Variants in SMARCC2 observed in about 807,000 individuals in gnomAD.
The protein encoded by SMARCC2 is SWI/SNF complex subunit SMARCC2.
Under a neutral mutation model 151.3 loss-of-function variants are expected in SMARCC2, and 15 were observed. The ratio of observed to expected loss-of-function variants is 0.10; its 90% confidence interval spans 0.07 to 0.15. The LOEUF is 0.15. Among genes scored for constraint, SMARCC2 ranks in the 10% least tolerant of loss-of-function variants. The probability of loss-of-function intolerance (pLI) is 1.00; values close to 1 mark genes in which losing one functional copy is unlikely to be tolerated. For missense variants in SMARCC2, 1,031 were observed against 1,599.7 expected (o/e 0.64, Z 6.06); for synonymous variants, 590 against 609.5 (o/e 0.97, Z 0.47).
At position 56,184,262 on chromosome 12, in the gene SMARCC2, A is replaced by T; in HGVS notation, c.493-18T>A. ...ACTGTTCCCTGGATGGTAAAAGGAG[A>T]AGCGGGTAAATTATGGTCCCCTCTG... is the stretch of plus-strand genomic sequence containing the variant. On this transcript the variant is annotated intron_variant, in intron 5 of 28. Coordinates refer to ENST00000550164, the MANE Select transcript of SMARCC2 (RefSeq NM_001330288.2). 6.3e-7 allele frequency: 1 copy of T among 1,596,938 alleles called. No individual in the cohort carries two copies. The highest frequency in any genetic ancestry group is 8.6e-7 in the Non-Finnish European group (1 of 1,166,122).
At chr12:56,178,718 A>T (rs557325868) in intron 13 of SMARCC2, 92 bp downstream of exon 13, 1 of 1,485,012 alleles carries the variant, frequency 6.7e-7, no homozygotes, top group South Asian at 1.1e-5. Flanking sequence ...CAGTGGGTAA[A>T]GTCTGGGCAG....
chr12:56,171,580 G>T lies in SMARCC2; in HGVS notation c.2185+99C>A. 6.7e-7 allele frequency: 1 copy of T among 1,486,716 alleles called. No individual in the cohort carries two copies. Among genetic ancestry groups the T allele is most frequent in the Non-Finnish European group, 9.1e-7 (1 of 1,102,218 alleles). The allele number at this position is 1,486,716 out of a possible 1,614,324, so 92.1% of individuals were successfully genotyped here. A position where few individuals can be genotyped will look rare whatever the true frequency, so the allele number is the denominator to read the frequency against. On this transcript the variant is annotated intron_variant, in intron 21 of 28. Coordinates refer to ENST00000550164, the MANE Select transcript of SMARCC2 (RefSeq NM_001330288.2). The surrounding 1 kb of genome is among the most constrained non-coding windows in gnomAD (Gnocchi z 4.2). ...CTGAGCTGAGGCCCGCACAGACAAG[G>T]CCAGCAGGGCAGCCAAACTTGAGAG... is the stretch of plus-strand genomic sequence containing the variant.
At chr12:56,173,115 G>T in intron 17 of SMARCC2, 86 bp from the exon 18 acceptor site, 4 of 1,202,712 alleles carry the variant, frequency 3.3e-6, no homozygotes, top group Middle Eastern at 3.9e-4. Context: ...TATGCTGGGC[G>T]GCCCACAAGC....
intron 16 of SMARCC2, 82 bp from the exon 17 acceptor site, chr12:56,173,931 G>T: frequency 7.6e-7 from 1 of 1,317,422 alleles, no homozygotes; most frequent in Non-Finnish European, 1.1e-6. Context: ...GGGTAGAAGG[G>T]GCATAAACCC....
At chr12:56,177,272 T>C (rs1347353622) in intron 15 of SMARCC2, among the ~76,000 whole-genome samples, 2 of 152,058 alleles carry the variant, frequency 1.3e-5, no homozygotes, top group Admixed American at 1.3e-4. Flanking sequence ...AGATACGGGG[T>C]CTTGCCGTGT....
chr12:56,186,292 C>G, intron 2 of SMARCC2, 52 bp from the exon 3 acceptor site: 1 of 1,060,844 alleles, frequency 9.4e-7, no homozygotes, highest in South Asian at 1.3e-5. Flanking sequence ...TGTAAATTCT[C>G]TCATCACTTA....
Position 56,162,570 on chromosome 12 carries a change from G to A in SMARCC2, c.*1119C>T, listed in dbSNP as rs758207608. 2.1e-6 allele frequency: 1 copy of A among 468,504 alleles called. No homozygotes were observed. Among genetic ancestry groups the A allele is most frequent in the Non-Finnish European group, 3.8e-6 (1 of 265,932 alleles). The allele number at this position is 468,504 out of a possible 1,614,324, so 29.0% of individuals were successfully genotyped here. On this transcript the variant is annotated 3_prime_UTR_variant, in exon 29 of 29. Coordinates refer to ENST00000550164, the MANE Select transcript of SMARCC2 (RefSeq NM_001330288.2). ...CCTGCCTTCCCGTCACAGGGGAGAA[G>A]CTGGGACACGTGGAGCAGGAATGCG...
Position 56,164,508 on chromosome 12 carries a change from G to C in SMARCC2, c.3456C>G (p.His1152Gln). 1 of 1,614,234 alleles carries C rather than the reference G, an allele frequency of 6.2e-7. No homozygotes were observed. Among genetic ancestry groups the C allele is most frequent in the South Asian group, 1.1e-5 (1 of 91,086 alleles). The stretch of plus-strand genomic sequence containing the variant: ...GAGTGCCCGGGGCGAACGGGAGATG[G>C]TGGTGATGCCCATGCAGGTTAGGAG... The part of the protein sequence containing the change: ...PAPPNLHGHH[H>Q]HLPFAPGTLP... The change falls in exon 28 of 29, where the codon CAC becomes CAG. Residue 1152 changes from histidine (H) to glutamine (Q), a missense_variant. His to Gln is a conservative substitution (Grantham distance 24). Coordinates refer to ENST00000550164, the MANE Select transcript of SMARCC2 (RefSeq NM_001330288.2).
chr12:56,171,339 G>A lies in SMARCC2; in HGVS notation c.2279C>T (p.Ala760Val), dbSNP rs746095658. The change falls in exon 22 of 29, where the codon GCG becomes GTG. Residue 760 changes from alanine (A) to valine (V), a missense_variant. Physicochemically the swap from Ala to Val is moderately conservative, Grantham distance 64. Coordinates refer to ENST00000550164, the MANE Select transcript of SMARCC2 (RefSeq NM_001330288.2). This position sits in a 1 kb window ranked among gnomAD's most constrained non-coding sequence, Gnocchi z 4.2. Reference protein sequence around the residue: ...VEEAAKVTGKADPAFGLESSG... With the variant: ...VEEAAKVTGKVDPAFGLESSG... Reference sequence around the variant, plus strand: ...GCTTTCCAGACCGAAGGCAGGGTCCGCCTTGCCTGTTACTTTGGCTGCTTC... The same window carrying A: ...GCTTTCCAGACCGAAGGCAGGGTCCACCTTGCCTGTTACTTTGGCTGCTTC... The A allele has an allele frequency of 7.8e-5, 126 of 1,614,140 alleles. 2 individuals carry two copies. In the South Asian group the frequency reaches 9.4e-4, roughly 12 times the overall value.
chr12:56,179,969 G>A (rs1875819759), intron 11 of SMARCC2, among the ~76,000 whole-genome samples: 1 of 152,024 alleles, frequency 6.6e-6, no homozygotes. Flanking sequence ...ACAGGCGTAA[G>A]CCACCGCGCC....
In SMARCC2 at chr12:56,182,023, G is replaced by T. The variant is rs756733904; in HGVS notation, c.689C>A (p.Thr230Asn). Reference sequence around the variant, plus strand: ...GCTCACCTTCCTAGGTTTCTCAGGAGTTGGAGCATCTTCCACAGATGCCTC... The same window carrying T: ...GCTCACCTTCCTAGGTTTCTCAGGATTTGGAGCATCTTCCACAGATGCCTC... ...EIEASVEDAP[T>N]PEKPRKVHAK... Residue 230 changes from threonine to asparagine, a missense_variant, in exon 8 of 29, where the codon ACT (threonine) becomes AAT (asparagine). By Grantham distance (65) the Thr-to-Asn change is moderately conservative. Around this residue, in one of 12 missense-constraint regions of SMARCC2, gnomAD observed 123 missense variants for 190.4 expected, o/e 0.65. Transcript: ENST00000550164. 9.3e-6 allele frequency: 15 copies of T among 1,611,740 alleles called. No individual in the cohort carries two copies. The South Asian group carries it at 1.7e-4, about 18-fold the overall frequency.
intron 15 of SMARCC2, among the ~76,000 whole-genome samples, chr12:56,175,926 T>G (rs1014317760): frequency 6.6e-6 from 1 of 152,138 alleles, no homozygotes; most frequent in Admixed American, 6.5e-5. Context: ...TGATGAGATC[T>G]TGGCTCACTG....
chr12:56,182,410 C>T (rs978355426), intron 7 of SMARCC2, among the ~76,000 whole-genome samples: 5 of 151,164 alleles, frequency 3.3e-5, no homozygotes, highest in Admixed American at 1.3e-4. Context: ...CTGCAACCTC[C>T]GCCTCCCGGG....
chr12:56,169,466 A>G (rs978195168), intron 25 of SMARCC2, 63 bp downstream of exon 25: 28 of 1,551,908 alleles, frequency 1.8e-5, no homozygotes, highest in Non-Finnish European at 2.5e-5. Flanking sequence ...GATTTCCTCT[A>G]AGTGAGATGA....
rs1338892220 is a variant in SMARCC2, at chr12:56,167,983, C to T, written c.2850+77G>A. The T allele has an allele frequency of 1.8e-5, 26 of 1,424,746 alleles. No homozygotes were observed. The Admixed American group carries it at 4.3e-4, about 24-fold the overall frequency. 88.3% of individuals were successfully genotyped at this position (1,424,746 alleles called of 1,614,324 possible). ...ACACACACACACACACACACACACA[C>T]ACACACACACACACACGCCCCTCCG... On this transcript the variant is annotated intron_variant, in intron 26 of 28. Transcript: ENST00000550164.
chr12:56,187,985 T>C (rs1230526259), intron 1 of SMARCC2, among the ~76,000 whole-genome samples: 4 of 152,194 alleles, frequency 2.6e-5, no homozygotes, highest in Non-Finnish European at 4.4e-5. Context: ...CCTAGTAGCA[T>C]CCTAGCCTTC....
In SMARCC2 at chr12:56,189,016, C is replaced by T. The variant is rs1592334048; in HGVS notation, c.111+335G>A. Among the ~76,000 whole-genome samples the T allele has an allele frequency of 2.6e-5, 4 of 152,140 alleles. No individual in the cohort carries two copies. The East Asian group carries it at 7.7e-4, about 29-fold the overall frequency. ...CGGGGGAGCCCATTGGGCACCCGGTCCACACCCGGCCGGCCGCCTCTCCCA... is the reference window on the plus strand; with the variant it reads ...CGGGGGAGCCCATTGGGCACCCGGTTCACACCCGGCCGGCCGCCTCTCCCA... On this transcript the variant is annotated intron_variant, in intron 1 of 28. Transcript: ENST00000550164.
At chr12:56,173,897 T>C in intron 16 of SMARCC2, 48 bp from the exon 17 acceptor site, 1 of 1,553,340 alleles carries the variant, frequency 6.4e-7, no homozygotes. Context: ...GCCAGAAAGG[T>C]GCACGAGGAA....
chr12:56,177,285 G>T (rs1875216001), intron 15 of SMARCC2, among the ~76,000 whole-genome samples: 1 of 151,984 alleles, frequency 6.6e-6, no homozygotes, highest in Non-Finnish European at 1.5e-5. Context: ...TGCCGTGTCA[G>T]CCAGGCTGGA....
Sources: gnomAD v4.1 joint callset for allele counts (sites outside exome capture counted in the v4.1 genomes callset) on GRCh38, gnomAD v4.1.1 for gene constraint, gnomAD v4.1.1 regional missense constraint, Gnocchi (gnomAD v3.1) non-coding constraint, MANE v1.5 for transcripts, NCBI Gene and HGNC (gene_info 2026-07-23, HGNC 2026-07-21) for gene names.